Variants in PLXNA4 observed in about 807,000 individuals in gnomAD.
PLXNA4 encodes plexin-A4.
In PLXNA4, 44 loss-of-function variants were observed where a neutral mutation model predicts 191.8. The observed-to-expected ratio is 0.23, with a 90% CI of 0.18 to 0.29. The LOEUF is 0.29. PLXNA4 is among the 10% of genes least tolerant of loss of function. PLXNA4 has a pLI of 1.00. For missense variants in PLXNA4, 1,800 were observed against 2,488.8 expected, an observed-to-expected ratio of 0.72 and a Z score of 5.89; for synonymous variants, 1,082 against 1,009.5, an observed-to-expected ratio of 1.07 and a Z score of -1.36.
At chr7:132,415,402 C>T (rs1794626996) in intron 3 of PLXNA4, among the ~76,000 whole-genome samples, 1 of 152,176 alleles carries the variant, frequency 6.6e-6, no homozygotes, top group Admixed American at 6.5e-5. Flanking sequence ...GGCCTCTCAG[C>T]TTGTGTCAGT....
At chr7:132,350,529 A>T (rs535847684) in intron 3 of PLXNA4, among the ~76,000 whole-genome samples, 1 of 152,284 alleles carries the variant, frequency 6.6e-6, no homozygotes, top group Admixed American at 6.5e-5. Context: ...AAAATAAAAA[A>T]ATAAAAGAAT....
chr7:132,628,920 A>G (rs1007472444), intron 2 of PLXNA4, among the ~76,000 whole-genome samples: 5 of 152,194 alleles, frequency 3.3e-5, no homozygotes, highest in African/African-American at 1.2e-4. Flanking sequence ...TGCTTAGTTC[A>G]AATTCTGTCT....
chr7:132,640,550 A>G (rs4731889), intron 2 of PLXNA4, among the ~76,000 whole-genome samples: 85,499 of 152,064 alleles, frequency 0.56, 24,405 homozygotes, highest in African/African-American at 0.61. Context: ...CACACAGAGA[A>G]AAGGCAGCCA....
chr7:132,627,297 T>C (rs551382197), intron 2 of PLXNA4, among the ~76,000 whole-genome samples: 64 of 152,320 alleles, frequency 4.2e-4, no homozygotes, highest in Middle Eastern at 3.4e-3. Flanking sequence ...TTATGAAAGA[T>C]GAAGGTTTAG....
chr7:132,485,680 G>A (rs1328572111), intron 3 of PLXNA4, among the ~76,000 whole-genome samples: 1 of 152,104 alleles, frequency 6.6e-6, no homozygotes, highest in East Asian at 1.9e-4. Flanking sequence ...GTAGGTTATT[G>A]CTAAGTTCCT....
At chr7:132,315,222 T>G (rs1159512823) in intron 3 of PLXNA4, among the ~76,000 whole-genome samples, 1 of 152,188 alleles carries the variant, frequency 6.6e-6, no homozygotes, top group African/African-American at 2.4e-5. Flanking sequence ...CTGGGAGGCT[T>G]GTTTTCTCTA....
chr7:132,527,288 T>C (rs1032430816), intron 1 of PLXNA4, among the ~76,000 whole-genome samples: 1 of 152,108 alleles, frequency 6.6e-6, no homozygotes, highest in Non-Finnish European at 1.5e-5. Flanking sequence ...GTCTGAGTTT[T>C]ATTTTGCTCA....
intron 3 of PLXNA4, among the ~76,000 whole-genome samples, chr7:132,323,277 C>A (rs1802245923): frequency 6.6e-6 from 1 of 152,214 alleles, no homozygotes; most frequent in African/African-American, 2.4e-5. Flanking sequence ...GCACAGGAAA[C>A]CGAAGGATTG....
At chr7:132,606,995 G>A (rs1017958580) in intron 2 of PLXNA4, among the ~76,000 whole-genome samples, 5 of 152,214 alleles carry the variant, frequency 3.3e-5, no homozygotes, top group Non-Finnish European at 5.9e-5. Flanking sequence ...ATAAAAACTG[G>A]CATTTTTGGA....
chr7:132,161,877 G>A (rs979214623), intron 24 of PLXNA4, among the ~76,000 whole-genome samples: 12 of 152,154 alleles, frequency 7.9e-5, no homozygotes, highest in African/African-American at 2.7e-4. Context: ...TTCTAGGTAG[G>A]CATCTTGCAC....
intron 2 of PLXNA4, among the ~76,000 whole-genome samples, chr7:132,609,743 C>A (rs996955000): frequency 2.6e-5 from 4 of 152,242 alleles, no homozygotes; most frequent in African/African-American, 9.6e-5. Flanking sequence ...GGCTGTCTGA[C>A]TCCCAGGCCT....
Position 132,481,442 on chromosome 7 carries a change from C to T in PLXNA4, c.1371+7850G>A, listed in dbSNP as rs983443244. 2.0e-5 allele frequency among the ~76,000 whole-genome samples: 3 copies of T among 151,940 alleles called. No individual in the cohort carries two copies. In the South Asian group the frequency reaches 6.3e-4, roughly 32 times the overall value. On this transcript the variant is annotated intron_variant, in intron 3 of 31. Coordinates refer to ENST00000321063, the MANE Select transcript of PLXNA4 (RefSeq NM_020911.2). ...GTCCCAGGACAACCTCGGATTAGAC[C>T]GTGTGACCTCTGGGGAGTTACCCAA...
At chr7:132,519,280 A>T (rs954834551) in intron 1 of PLXNA4, among the ~76,000 whole-genome samples, 1 of 152,192 alleles carries the variant, frequency 6.6e-6, no homozygotes, top group Non-Finnish European at 1.5e-5. Flanking sequence ...TACCCAGTCC[A>T]TGAGGAACAC....
chr7:132,366,296 C>T (rs1804182186), intron 3 of PLXNA4, among the ~76,000 whole-genome samples: 1 of 152,090 alleles, frequency 6.6e-6, no homozygotes, highest in Non-Finnish European at 1.5e-5. Context: ...GAGGCTGAGG[C>T]AGGCGGATCA....
intron 2 of PLXNA4, among the ~76,000 whole-genome samples, chr7:132,589,659 G>A (rs1802569575): frequency 6.6e-6 from 1 of 152,222 alleles, no homozygotes; most frequent in East Asian, 1.9e-4. Context: ...ACCAAGTACT[G>A]CTCTAGGTGC....
At chr7:132,228,560 C>A in intron 5 of PLXNA4, 91 bp from the exon 6 acceptor site, 1 of 1,533,612 alleles carries the variant, frequency 6.5e-7, no homozygotes. Flanking sequence ...CAGCAGCTCC[C>A]AGGATGTGTC....
At chr7:132,628,896 A>T (rs1803437610) in intron 2 of PLXNA4, among the ~76,000 whole-genome samples, 1 of 152,146 alleles carries the variant, frequency 6.6e-6, no homozygotes, top group African/African-American at 2.4e-5. Context: ...ATTTCTTCTG[A>T]GTTCCTTCTG....
chr7:132,508,734 A>T lies in PLXNA4; in HGVS notation c.-41T>A, dbSNP rs1406622064. On this transcript the variant is annotated 5_prime_UTR_variant, in exon 2 of 32. Coordinates refer to ENST00000321063, the MANE Select transcript of PLXNA4 (RefSeq NM_020911.2). The surrounding 1 kb of genome is among the most constrained non-coding windows in gnomAD (Gnocchi z 4.4). ...CAGTGGCACAGCAGCACTCAGGCAC[A>T]GTCGTCCCCTCAGAGGGCCAGGACT... 3 of 1,466,056 alleles carry T rather than the reference A, an allele frequency of 2.0e-6. No homozygotes were observed. 90.8% of individuals were successfully genotyped at this position (1,466,056 alleles called of 1,614,324 possible). A position where few individuals can be genotyped will look rare whatever the true frequency, so the allele number is the denominator to read the frequency against.
At chr7:132,462,972 C>A (rs2117369766) in intron 3 of PLXNA4, among the ~76,000 whole-genome samples, 1 of 151,634 alleles carries the variant, frequency 6.6e-6, no homozygotes, top group South Asian at 2.1e-4. Context: ...GCCTCAGCCT[C>A]CCGAGTAGCT....
Sources: gnomAD v4.1 joint callset for allele counts (sites outside exome capture counted in the v4.1 genomes callset) on GRCh38, gnomAD v4.1.1 for gene constraint, Gnocchi (gnomAD v3.1) non-coding constraint, MANE v1.5 for transcripts, NCBI Gene and HGNC (gene_info 2026-07-23, HGNC 2026-07-21) for gene names.